The following CMTM8 variants were observed in gnomAD, a reference collection of about 807,000 sequenced individuals.
The protein encoded by CMTM8 is CKLF-like MARVEL transmembrane domain-containing protein 8.
Under a neutral mutation model 18.6 loss-of-function variants are expected in CMTM8, and 12 were observed. The observed-to-expected ratio is 0.65, with a 90% CI of 0.41 to 1.05. The LOEUF (loss-of-function observed/expected upper bound fraction) is 1.05. Ranked by LOEUF, CMTM8 falls within the 50% of genes least tolerant of loss-of-function variation. The probability of loss-of-function intolerance (pLI) is 0.00; values close to 1 mark genes in which losing one functional copy is unlikely to be tolerated. For missense variants in CMTM8, 217 were observed against 227.2 expected (o/e 0.95, Z 0.29); for synonymous variants, 87 against 90.6 (o/e 0.96, Z 0.23).
intron 1 of CMTM8, among the ~76,000 whole-genome samples, chr3:32,325,137 G>T (rs1696127735): frequency 6.6e-6 from 1 of 152,198 alleles, no homozygotes; most frequent in Non-Finnish European, 1.5e-5. Context: ...GCATATTTCA[G>T]GGTAGCATAT....
intron 1 of CMTM8, among the ~76,000 whole-genome samples, chr3:32,305,355 A>G (rs528466247): frequency 6.6e-6 from 1 of 151,768 alleles, no homozygotes; most frequent in African/African-American, 2.4e-5. Flanking sequence ...GACTGGAGAC[A>G]TTTTTGATTG....
intron 1 of CMTM8, among the ~76,000 whole-genome samples, chr3:32,240,971 A>G (rs1329331673): frequency 6.6e-6 from 1 of 152,014 alleles, no homozygotes; most frequent in Admixed American, 6.5e-5. Flanking sequence ...ATTTTTTTCT[A>G]GGGACGGGGT....
At chr3:32,335,546 C>T (rs945159780) in intron 1 of CMTM8, among the ~76,000 whole-genome samples, 8 of 152,202 alleles carry the variant, frequency 5.3e-5, no homozygotes, top group Admixed American at 4.6e-4. Context: ...CAACTCTCTC[C>T]ATCTCTGCAG....
chr3:32,280,846 C>CAAAAAA (rs60845487), intron 1 of CMTM8, among the ~76,000 whole-genome samples: 3 of 68,170 alleles, frequency 4.4e-5, no homozygotes, highest in African/African-American at 6.2e-5. Flanking sequence ...AGAAAATAGG[C>CAAAAAA]AAAAAAAAAA....
At chr3:32,256,561 T>A (rs539955501) in intron 1 of CMTM8, among the ~76,000 whole-genome samples, 1 of 152,286 alleles carries the variant, frequency 6.6e-6, no homozygotes, top group East Asian at 1.9e-4. Context: ...TAGCAATAAA[T>A]TGTAGGTGAA....
chr3:32,367,777 C>A, intron 2 of CMTM8, 95 bp from the exon 3 acceptor site: 1 of 795,200 alleles, frequency 1.3e-6, no homozygotes, highest in Non-Finnish European at 2.1e-6. Context: ...TTGGGCCCCT[C>A]CCCACACCAG....
chr3:32,243,884 C>T (rs886088201), intron 1 of CMTM8: 1 of 160,724 alleles, frequency 6.2e-6, no homozygotes. Flanking sequence ...CTTCAGCTTC[C>T]AGTTTTGCTG....
At chr3:32,350,905 C>T (rs1374469850) in intron 1 of CMTM8, among the ~76,000 whole-genome samples, 3 of 151,926 alleles carry the variant, frequency 2.0e-5, no homozygotes, top group East Asian at 2.0e-4. Flanking sequence ...GTGATCCACC[C>T]GCCTCAGCCT....
chr3:32,319,059 T>TACATAC lies in CMTM8; in HGVS notation c.148-38313_148-38312insCATACA, dbSNP rs1393817439. On this transcript the variant is annotated intron_variant, in intron 1 of 3. Transcript: ENST00000307526. ...ATTTATATATATGTGTGTATATACA[T>TACATAC]ATATATATATATATATTTTTTTTTT... 3.5e-3 allele frequency among the ~76,000 whole-genome samples: 142 copies of TACATAC among 41,030 alleles called. 1 individual carries two copies. The highest frequency in any genetic ancestry group is 0.013 in the African/African-American group (138 of 10,864). 26.9% of individuals were successfully genotyped at this position (41,030 alleles called of 152,430 possible).
intron 2 of CMTM8, among the ~76,000 whole-genome samples, chr3:32,366,148 G>A (rs1392068414): frequency 6.6e-6 from 1 of 152,208 alleles, no homozygotes; most frequent in Admixed American, 6.5e-5. Context: ...GTGCCTGAGA[G>A]AGGCTTGTAA....
intron 1 of CMTM8, among the ~76,000 whole-genome samples, chr3:32,278,811 T>G (rs1007521886): frequency 2.0e-5 from 3 of 152,228 alleles, no homozygotes; most frequent in Non-Finnish European, 4.4e-5. Flanking sequence ...GTTTACTGAG[T>G]GTTCATTCAG....
At chr3:32,286,083 C>T (rs907099377) in intron 1 of CMTM8, among the ~76,000 whole-genome samples, 2 of 152,184 alleles carry the variant, frequency 1.3e-5, no homozygotes, top group Admixed American at 1.3e-4. Context: ...CTTCCGGAGG[C>T]GGCAGACTTT....
intron 1 of CMTM8, among the ~76,000 whole-genome samples, chr3:32,317,121 G>A (rs1031506363): frequency 6.6e-6 from 1 of 152,066 alleles, no homozygotes; most frequent in African/African-American, 2.4e-5. Context: ...TGTGGGACCT[G>A]GGACAGGGAC....
At chr3:32,315,921 C>G (rs1470390353) in intron 1 of CMTM8, among the ~76,000 whole-genome samples, 3 of 150,544 alleles carry the variant, frequency 2.0e-5, no homozygotes, top group Admixed American at 1.3e-4. Context: ...TTGAGAAACT[C>G]TTAGTACTCC....
intron 1 of CMTM8, among the ~76,000 whole-genome samples, chr3:32,313,765 A>C (rs2125571713): frequency 6.6e-6 from 1 of 152,346 alleles, no homozygotes; most frequent in Non-Finnish European, 1.5e-5. Context: ...TTAAAAGACC[A>C]GGTGAAGAGG....
At chr3:32,354,689 G>C (rs1322094781) in intron 1 of CMTM8, among the ~76,000 whole-genome samples, 5 of 152,132 alleles carry the variant, frequency 3.3e-5, no homozygotes, top group African/African-American at 1.2e-4. Flanking sequence ...TTCACTCACT[G>C]TTATGTTTCC....
chr3:32,261,377 T>C (rs977623329), intron 1 of CMTM8, among the ~76,000 whole-genome samples: 10 of 152,116 alleles, frequency 6.6e-5, no homozygotes, highest in Non-Finnish European at 1.0e-4. Context: ...AATTAAGACA[T>C]GTAAAGAAAA....
At chr3:32,302,393 T>C (rs1328693206) in intron 1 of CMTM8, among the ~76,000 whole-genome samples, 2 of 152,186 alleles carry the variant, frequency 1.3e-5, no homozygotes, top group South Asian at 2.1e-4. Context: ...AAAATGCAAT[T>C]TTCTGCCTCT....
chr3:32,361,030 G>A (rs1276157053), intron 2 of CMTM8, among the ~76,000 whole-genome samples: 2 of 152,216 alleles, frequency 1.3e-5, no homozygotes, highest in Admixed American at 6.5e-5. Flanking sequence ...TGCCCAGGCT[G>A]GAGTGCAATG....
Sources: allele counts gnomAD v4.1 joint callset (sites outside exome capture counted in the v4.1 genomes callset), GRCh38; gene constraint gnomAD v4.1.1; transcripts MANE v1.5; gene names NCBI Gene and HGNC (gene_info 2026-07-23, HGNC 2026-07-21).